Variants in SAMD12 observed in about 807,000 individuals in gnomAD.
SAMD12 encodes sterile alpha motif domain containing 12.
In SAMD12, 9 loss-of-function variants were observed where a neutral mutation model predicts 15.0. That is an observed-to-expected ratio of 0.60 (90% CI 0.36 to 1.05). SAMD12 has a LOEUF of 1.05. Among genes scored for constraint, SAMD12 ranks in the 50% least tolerant of loss-of-function variants. The pLI is 0.01. For missense variants in SAMD12, 230 were observed against 234.2 expected, an observed-to-expected ratio of 0.98 and a Z score of 0.12; for synonymous variants, 86 against 90.1, an observed-to-expected ratio of 0.96 and a Z score of 0.25.
chr8:118,260,934 C>T (rs912003820), intron 4 of SAMD12, among the ~76,000 whole-genome samples: 1 of 152,080 alleles, frequency 6.6e-6, no homozygotes, highest in Admixed American at 6.6e-5. Flanking sequence ...CTTTCTGAAA[C>T]TCTTATCAAA....
intron 4 of SAMD12, among the ~76,000 whole-genome samples, chr8:118,283,570 G>A (rs1813767100): frequency 6.6e-6 from 1 of 152,140 alleles, no homozygotes. Context: ...CACATAAGAT[G>A]AAGCCATACC....
rs1285728648 is a variant in SAMD12, at chr8:118,439,820, T to C, written c.322+12A>G. On this transcript the variant is annotated intron_variant, in intron 3 of 3. Transcript: ENST00000314727. ...AAAAGGAGTGAAATATCTGGGATAC[T>C]GCATACTTTACCAGTTATGTCATGC... is the stretch of plus-strand genomic sequence containing the variant. 1 of 1,611,834 alleles carries C rather than the reference T, an allele frequency of 6.2e-7. No individual in the cohort carries two copies. The highest frequency in any genetic ancestry group is 1.7e-5 in the Admixed American group (1 of 59,996).
chr8:118,538,479 T>TC (rs1389543809), intron 2 of SAMD12, among the ~76,000 whole-genome samples: 1 of 152,162 alleles, frequency 6.6e-6, no homozygotes, highest in Non-Finnish European at 1.5e-5. Flanking sequence ...GTTTAAATTC[T>TC]CCCCTGTGGA....
intron 4 of SAMD12, among the ~76,000 whole-genome samples, chr8:118,296,046 TAGAAA>T (rs1563741815): frequency 6.6e-6 from 1 of 152,056 alleles, no homozygotes; most frequent in East Asian, 1.9e-4. Context: ...ATATAGGTAA[TAGAAA>T]AAACAGTAAA....
At chr8:118,327,858 G>C (rs532192768) in intron 4 of SAMD12, among the ~76,000 whole-genome samples, 32 of 152,280 alleles carry the variant, frequency 2.1e-4, no homozygotes, top group African/African-American at 7.5e-4. Context: ...CTCCCATTCA[G>C]AAGAGGAATC....
intron 4 of SAMD12, among the ~76,000 whole-genome samples, chr8:118,258,779 G>T (rs1255480260): frequency 6.6e-6 from 1 of 152,106 alleles, no homozygotes; most frequent in Non-Finnish European, 1.5e-5. Flanking sequence ...AGTCGATATA[G>T]GTAACACCAT....
chr8:118,257,075 C>A (rs1276500481), intron 4 of SAMD12, among the ~76,000 whole-genome samples: 1 of 152,064 alleles, frequency 6.6e-6, no homozygotes, highest in Admixed American at 6.6e-5. Context: ...GCATACCAGA[C>A]CCTGCAGGCA....
At chr8:118,472,214 G>C (rs956594223) in intron 2 of SAMD12, among the ~76,000 whole-genome samples, 2 of 151,790 alleles carry the variant, frequency 1.3e-5, no homozygotes, top group African/African-American at 2.4e-5. Context: ...GTGAACCCGG[G>C]AGGCGGAGCT....
At chr8:118,188,427 A>G (rs756063040), downstream of SAMD12, among the ~76,000 whole-genome samples, 9 of 152,188 alleles carry the variant, frequency 5.9e-5, no homozygotes, top group Non-Finnish European at 1.2e-4. Flanking sequence ...AAAGATTTGG[A>G]AGATTTATAC....
At chr8:118,550,214 G>A (rs965219190) in intron 2 of SAMD12, among the ~76,000 whole-genome samples, 62 of 152,124 alleles carry the variant, frequency 4.1e-4, no homozygotes, top group Non-Finnish European at 6.9e-4. Context: ...GCAACTCCAA[G>A]ACACATAATT....
At chr8:118,574,568 C>CT (rs1484566679) in intron 2 of SAMD12, among the ~76,000 whole-genome samples, 10 of 152,292 alleles carry the variant, frequency 6.6e-5, no homozygotes, top group African/African-American at 2.4e-4. Context: ...TACAATGAAC[C>CT]TATGGCTTAA....
At chr8:118,376,078 C>A (rs73709938), downstream of SAMD12, among the ~76,000 whole-genome samples, 3,148 of 152,132 alleles carry the variant, frequency 0.021, 98 homozygotes, top group African/African-American at 0.069. Flanking sequence ...ATTCACTATT[C>A]CCCTCAAGAT....
chr8:118,370,943 T>TA (rs200699358), intron 4 of SAMD12, among the ~76,000 whole-genome samples: 4 of 99,546 alleles, frequency 4.0e-5, no homozygotes, highest in African/African-American at 4.6e-5. Context: ...GGAACTTAAA[T>TA]AAAATTTTTT....
At chr8:118,425,989 G>A (rs768910332) in intron 3 of SAMD12, among the ~76,000 whole-genome samples, 10 of 152,068 alleles carry the variant, frequency 6.6e-5, no homozygotes, top group African/African-American at 9.7e-5. Flanking sequence ...TAGTCTCTGG[G>A]TTTCTGTTTA....
chr8:118,535,325 G>A (rs573091840), intron 2 of SAMD12, among the ~76,000 whole-genome samples: 8 of 152,316 alleles, frequency 5.3e-5, no homozygotes, highest in Admixed American at 6.5e-5. Flanking sequence ...TCTCAAAGGG[G>A]CACCTGGCTG....
chr8:118,537,229 G>C (rs1487800763), intron 2 of SAMD12, among the ~76,000 whole-genome samples: 5 of 152,036 alleles, frequency 3.3e-5, no homozygotes, highest in African/African-American at 1.2e-4. Context: ...TGACCTTTGA[G>C]AGTCTGATTA....
the SAMD12 span, among the ~76,000 whole-genome samples, chr8:118,164,811 GTATA>G: frequency 1.3e-5 from 2 of 149,060 alleles, no homozygotes; most frequent in African/African-American, 2.5e-5. Context: ...GTCTCTCTCT[GTATA>G]TATATATATA....
chr8:118,612,920 T>C (rs1828142316), intron 1 of SAMD12, among the ~76,000 whole-genome samples: 1 of 152,206 alleles, frequency 6.6e-6, no homozygotes, highest in Non-Finnish European at 1.5e-5. Context: ...GGAATTTCAA[T>C]GCATTACTAC....
chr8:118,345,980 C>T (rs569112248), intron 4 of SAMD12, among the ~76,000 whole-genome samples: 12 of 152,272 alleles, frequency 7.9e-5, no homozygotes, highest in Admixed American at 1.3e-4. Context: ...GGCTAACCAC[C>T]GTCTCCATTT....
Sources: allele counts gnomAD v4.1 joint callset (sites outside exome capture counted in the v4.1 genomes callset), GRCh38; gene constraint gnomAD v4.1.1; transcripts MANE v1.5; gene names NCBI Gene and HGNC (gene_info 2026-07-23, HGNC 2026-07-21).